Variants in SAMMSON observed in about 807,000 individuals in gnomAD.
The protein encoded by SAMMSON is survival associated mitochondrial melanoma specific oncogenic non-coding RNA.
At chr3:70,288,739 G>C (rs919952993) in intron 6 of SAMMSON, among the ~76,000 whole-genome samples, 6 of 151,858 alleles carry the variant, frequency 4.0e-5, no homozygotes, top group African/African-American at 1.5e-4. Context: ...GAATCTAGGT[G>C]CTCCTGTGTT....
intron 7 of SAMMSON, among the ~76,000 whole-genome samples, chr3:70,343,975 T>C (rs915377143): frequency 6.6e-6 from 1 of 151,776 alleles, no homozygotes; most frequent in African/African-American, 2.4e-5. Context: ...CTTTGGTCAT[T>C]GAGAGCTTTT....
intron 4 of SAMMSON, among the ~76,000 whole-genome samples, chr3:70,141,051 A>G (rs2067525829): frequency 6.6e-6 from 1 of 151,930 alleles, no homozygotes; most frequent in Admixed American, 6.6e-5. Context: ...TTTTTCTAGC[A>G]TGAACCTTGA....
intron 2 of SAMMSON, among the ~76,000 whole-genome samples, chr3:70,425,478 C>A (rs180698566): frequency 6.6e-6 from 1 of 152,076 alleles, no homozygotes; most frequent in East Asian, 1.9e-4. Flanking sequence ...GTGGCGTGAT[C>A]TTGGCTCACT....
At chr3:70,197,162 C>G (rs925761891) in intron 4 of SAMMSON, 4 of 398,028 alleles carry the variant, frequency 1.0e-5, no homozygotes, top group African/African-American at 8.3e-5. Context: ...AACAGACAGG[C>G]GAGGATAAGG....
At chr3:70,395,030 C>T (rs1701080037) in intron 2 of SAMMSON, among the ~76,000 whole-genome samples, 1 of 152,190 alleles carries the variant, frequency 6.6e-6, no homozygotes, top group African/African-American at 2.4e-5. Flanking sequence ...GTGCCAAAGG[C>T]ACAAAATGTA....
chr3:70,334,732 T>G (rs1435762831), intron 7 of SAMMSON, among the ~76,000 whole-genome samples: 1 of 152,040 alleles, frequency 6.6e-6, no homozygotes, highest in Non-Finnish European at 1.5e-5. Flanking sequence ...AGCTGAAAAT[T>G]GAAAAACTTG....
intron 7 of SAMMSON, among the ~76,000 whole-genome samples, chr3:70,301,224 G>A (rs1331960756): frequency 2.0e-5 from 3 of 151,940 alleles, no homozygotes; most frequent in South Asian, 2.1e-4. Context: ...AGTTGTTTTA[G>A]CCCAAACCTA....
intron 3 of SAMMSON, among the ~76,000 whole-genome samples, chr3:70,036,421 T>A (rs953603708): frequency 1.3e-5 from 2 of 152,194 alleles, no homozygotes; most frequent in Non-Finnish European, 2.9e-5. Context: ...GGGATTGATA[T>A]CACTCTCAGA....
chr3:70,115,223 A>G (rs977297200), intron 4 of SAMMSON, among the ~76,000 whole-genome samples: 43 of 151,086 alleles, frequency 2.8e-4, no homozygotes, highest in African/African-American at 5.3e-4. Flanking sequence ...AAAAAAAAAA[A>G]AAAGAAAGAA....
chr3:70,011,837 G>C (rs1228669744), intron 1 of SAMMSON, among the ~76,000 whole-genome samples: 1 of 151,996 alleles, frequency 6.6e-6, no homozygotes, highest in Non-Finnish European at 1.5e-5. Context: ...CAGACCTAAA[G>C]AAGGAAATAA....
intron 1 of SAMMSON, among the ~76,000 whole-genome samples, chr3:70,010,687 A>G (rs1048739548): frequency 9.2e-6 from 1 of 108,582 alleles, no homozygotes; most frequent in Non-Finnish European, 1.8e-5. Context: ...TTTTGCTGCT[A>G]TAAAGAACTT....
intron 2 of SAMMSON, among the ~76,000 whole-genome samples, chr3:70,399,704 G>A (rs186114272): frequency 1.4e-4 from 21 of 151,684 alleles, no homozygotes; most frequent in Non-Finnish European, 2.5e-4. Context: ...CATCTCTACT[G>A]AAAATACAAA....
intron 1 of SAMMSON, among the ~76,000 whole-genome samples, chr3:70,006,029 A>G (rs1016592971): frequency 1.3e-5 from 2 of 152,182 alleles, no homozygotes; most frequent in African/African-American, 4.8e-5. Flanking sequence ...TAGTTTTAAT[A>G]ACTAGTTGAC....
At chr3:70,166,024 A>G (rs1576140918) in intron 4 of SAMMSON, among the ~76,000 whole-genome samples, 1 of 151,966 alleles carries the variant, frequency 6.6e-6, no homozygotes, top group African/African-American at 2.4e-5. Context: ...TGTAGACTGA[A>G]TTAAAGGAGC....
intron 9 of SAMMSON, among the ~76,000 whole-genome samples, chr3:70,375,402 GTTT>G (rs79379255): frequency 2.2e-5 from 3 of 133,596 alleles, no homozygotes; most frequent in Non-Finnish European, 4.8e-5. Context: ...GTTTTTTGTT[GTTT>G]TTTTTTTTTT....
chr3:70,082,517 T>A (rs568096440), intron 4 of SAMMSON, among the ~76,000 whole-genome samples: 2 of 152,162 alleles, frequency 1.3e-5, no homozygotes, highest in Non-Finnish European at 2.9e-5. Flanking sequence ...ATTCTCAGCC[T>A]TTTTTCCTTA....
intron 3 of SAMMSON, among the ~76,000 whole-genome samples, chr3:70,065,548 A>G (rs1397177354): frequency 1.3e-5 from 2 of 152,072 alleles, no homozygotes; most frequent in Non-Finnish European, 2.9e-5. Context: ...AATGTGAGAA[A>G]TCTGAAGCCA....
intron 9 of SAMMSON, among the ~76,000 whole-genome samples, chr3:70,365,952 G>T (rs149046032): frequency 0.026 from 3,094 of 118,112 alleles, 332 homozygotes; most frequent in South Asian, 0.09. Flanking sequence ...CTTAAAAATT[G>T]TTTGTGCTTT....
At chr3:70,041,132 G>A (rs564383053) in intron 3 of SAMMSON, among the ~76,000 whole-genome samples, 1 of 152,158 alleles carries the variant, frequency 6.6e-6, no homozygotes, top group African/African-American at 2.4e-5. Context: ...TAGGCTTTGG[G>A]GGCTGCTGGC....
Sources: gnomAD v4.1 joint callset for allele counts (sites outside exome capture counted in the v4.1 genomes callset) on GRCh38, gnomAD v4.1.1 for gene constraint, MANE v1.5 for transcripts, NCBI Gene and HGNC (gene_info 2026-07-23, HGNC 2026-07-21) for gene names.